The following DFFB variants were observed in gnomAD, a reference collection of about 807,000 sequenced individuals.
DFFB encodes DNA fragmentation factor subunit beta.
A neutral mutation model predicts 32.7 loss-of-function variants in DFFB; 29 were observed. The ratio of observed to expected loss-of-function variants is 0.89; its 90% CI spans 0.66 to 1.21. The LOEUF (loss-of-function observed/expected upper bound fraction) is 1.21. Ranked by LOEUF, DFFB falls within the 50% of genes most tolerant of loss-of-function variation. The probability of loss-of-function intolerance (pLI) is 0.00; values close to 1 mark genes in which losing one functional copy is unlikely to be tolerated. For missense variants in DFFB, 398 were observed against 440.6 expected, an observed-to-expected ratio of 0.90 and a Z score of 0.87; for synonymous variants, 170 against 177.1, an observed-to-expected ratio of 0.96 and a Z score of 0.32.
At chr1:3,868,669 A>ACCAAG (rs1553169091) in intron 4 of DFFB, among the ~76,000 whole-genome samples, 1 of 76,492 alleles carries the variant, frequency 1.3e-5, no homozygotes. Flanking sequence ...GCCACACCAC[A>ACCAAG]CCACACCACG....
intron 5 of DFFB, among the ~76,000 whole-genome samples, chr1:3,871,367 A>G (rs1006975813): frequency 6.6e-6 from 1 of 151,862 alleles, no homozygotes; most frequent in Non-Finnish European, 1.5e-5. Flanking sequence ...GCTCACTGCA[A>G]CCTCTGCCTC....
At position 3,857,681 on chromosome 1, in the gene DFFB, C is replaced by A; in HGVS notation, c.78C>A (p.Cys26Ter). The change falls in exon 1 of 7, where the codon TGC becomes TGA. Residue 26 changes from cysteine to a stop codon, truncating the protein, a stop_gained. Transcript: ENST00000378209. LOFTEE classifies it high-confidence loss of function. ...PRKFGVAGRSCQEVLRKGCLR... is the reference protein window; with the variant it reads ...PRKFGVAGRS Reference sequence around the variant, plus strand: ...AGTTCGGCGTGGCTGGCCGGAGCTGCCAGGAGGTGCTGCGCAAGGGCTGTC... The same window carrying A: ...AGTTCGGCGTGGCTGGCCGGAGCTGACAGGAGGTGCTGCGCAAGGGCTGTC... The A allele has an allele frequency of 6.3e-7, 1 of 1,586,180 alleles. No individual in the cohort carries two copies. The highest frequency in any genetic ancestry group is 1.4e-5 in the African/African-American group (1 of 73,918).
At position 3,863,540 on chromosome 1, in the gene DFFB, C is replaced by T. The variant is rs138405812; in HGVS notation, c.242-2272C>T. On this transcript the variant is annotated intron_variant, in intron 2 of 6. Transcript: ENST00000378209. ...TACCCAAGAGAAATGAAAACACGTC[C>T]ACACCAAAACTCGTCCGTGAGCGTT... 4.3e-4 allele frequency among the ~76,000 whole-genome samples: 65 copies of T among 152,290 alleles called. No homozygotes were observed. In the East Asian group the frequency reaches 0.012, roughly 29 times the overall value.
chr1:3,875,406 C>T (rs1645202913), intron 6 of DFFB, among the ~76,000 whole-genome samples: 1 of 152,160 alleles, frequency 6.6e-6, no homozygotes, highest in South Asian at 2.1e-4. Flanking sequence ...GCTTGAGTCC[C>T]TCTAGTGAGT....
rs750147209 is a variant in DFFB, at chr1:3,868,072, C to G, written c.510+19C>G. 6.2e-7 allele frequency: 1 copy of G among 1,612,216 alleles called. No homozygotes were observed. Among genetic ancestry groups the G allele is most frequent in the Non-Finnish European group, 8.5e-7 (1 of 1,178,500 alleles). On this transcript the variant is annotated intron_variant, in intron 4 of 6. Transcript: ENST00000378209. Reference sequence around the variant, plus strand: ...GAGGGAGGTGAGCCTGAGTGAAGACCGGGTATGCTGGGCGGGTTTTTGAAG... The same window carrying G: ...GAGGGAGGTGAGCCTGAGTGAAGACGGGGTATGCTGGGCGGGTTTTTGAAG...
chr1:3,868,897 G>A (rs116441473), intron 4 of DFFB, among the ~76,000 whole-genome samples: 1,656 of 152,300 alleles, frequency 0.011, 21 homozygotes, highest in South Asian at 0.034. Flanking sequence ...GCATCTCTTC[G>A]AGGTCCTGGC....
chr1:3,879,912 T>C (rs900242004), intron 6 of DFFB, among the ~76,000 whole-genome samples: 5 of 152,242 alleles, frequency 3.3e-5, no homozygotes, highest in Admixed American at 2.0e-4. Flanking sequence ...TAATCATCCA[T>C]TTTAAGCATA....
intron 5 of DFFB, among the ~76,000 whole-genome samples, chr1:3,871,291 T>TTTTG (rs1044146757): frequency 2.0e-5 from 3 of 152,070 alleles, no homozygotes; most frequent in Non-Finnish European, 4.4e-5. Context: ...AGAGCTTTTT[T>TTTTG]TTTGTTTGTT....
At chr1:3,858,316 C>T (rs1378956609) in intron 1 of DFFB, among the ~76,000 whole-genome samples, 1 of 152,226 alleles carries the variant, frequency 6.6e-6, no homozygotes, top group African/African-American at 2.4e-5. Context: ...TGCACAGAGG[C>T]AACCAACCGT....
intron 2 of DFFB, among the ~76,000 whole-genome samples, chr1:3,862,153 G>T (rs187895640): frequency 6.6e-6 from 1 of 152,292 alleles, no homozygotes; most frequent in East Asian, 1.9e-4. Context: ...TAGGATAAGT[G>T]TAACAAAAAA....
intron 5 of DFFB, among the ~76,000 whole-genome samples, chr1:3,871,276 A>G (rs1357154711): frequency 6.6e-6 from 1 of 150,600 alleles, no homozygotes; most frequent in Non-Finnish European, 1.5e-5. Flanking sequence ...TCTGATTCCA[A>G]AGGCAGAGCT....
At position 3,885,093 on chromosome 1, in the gene DFFB, C is replaced by G. The variant is rs900334725; in HGVS notation, c.*1352C>G. 1 of 152,196 alleles carries G rather than the reference C, an allele frequency of 6.6e-6. No homozygotes were observed. Among genetic ancestry groups the G allele is most frequent in the Non-Finnish European group, 1.5e-5 (1 of 68,038 alleles). 9.4% of individuals were successfully genotyped at this position (152,196 alleles called of 1,614,324 possible). A position where few individuals can be genotyped will look rare whatever the true frequency, so the allele number is the denominator to read the frequency against. ...TGTAGAAACTGGAAGCTGTTCAGGG[C>G]ATCGGCAGCTGAACCCTGCTCCGTT... On this transcript the variant is annotated 3_prime_UTR_variant, in exon 7 of 7. Coordinates refer to ENST00000378209, the MANE Select transcript of DFFB (RefSeq NM_004402.4).
At chr1:3,876,789 C>A (rs1368917423) in intron 6 of DFFB, among the ~76,000 whole-genome samples, 1 of 152,224 alleles carries the variant, frequency 6.6e-6, no homozygotes, top group African/African-American at 2.4e-5. Context: ...AGTGCCACCT[C>A]ACACCAGGGG....
intron 5 of DFFB, among the ~76,000 whole-genome samples, chr1:3,871,926 C>G (rs1645120571): frequency 6.6e-6 from 1 of 152,072 alleles, no homozygotes; most frequent in Admixed American, 6.6e-5. Flanking sequence ...TACTTTTAAG[C>G]CAGATCTCAG....
intron 2 of DFFB, among the ~76,000 whole-genome samples, chr1:3,864,661 G>C (rs980894449): frequency 2.6e-5 from 4 of 152,056 alleles, no homozygotes; most frequent in African/African-American, 9.7e-5. Context: ...AAGTAACTGG[G>C]ACTACAGGTG....
intron 6 of DFFB, among the ~76,000 whole-genome samples, chr1:3,875,302 G>A (rs1386324709): frequency 6.6e-6 from 1 of 152,204 alleles, no homozygotes; most frequent in Non-Finnish European, 1.5e-5. Context: ...CTGGGAGCTG[G>A]GAATTCAGAT....
intron 6 of DFFB, among the ~76,000 whole-genome samples, chr1:3,878,822 A>T (rs190185887): frequency 2.0e-5 from 3 of 152,188 alleles, no homozygotes; most frequent in Admixed American, 2.0e-4. Context: ...CAACAGATTC[A>T]CCCGTGTCTG....
Position 3,883,570 on chromosome 1 carries a change from AGAAGT to A in DFFB, c.848_852del (p.Glu283GlyfsTer24). ...AAGCAATTAAGGAACAAGATGGAAG[AGAAGT>A]GGACTGGGAGTATTTTTATGGCCTG... On this transcript the variant is annotated frameshift_variant, in exon 7 of 7. Coordinates refer to ENST00000378209, the MANE Select transcript of DFFB (RefSeq NM_004402.4). LOFTEE classifies it low-confidence loss of function (END_TRUNC). 6.2e-7 allele frequency: 1 copy of A among 1,614,244 alleles called. No individual in the cohort carries two copies. Among genetic ancestry groups the A allele is most frequent in the African/African-American group, 1.3e-5 (1 of 75,068 alleles).
At chr1:3,873,862 C>T (rs111901899) in intron 6 of DFFB, among the ~76,000 whole-genome samples, 4,240 of 152,248 alleles carry the variant, frequency 0.028, 172 homozygotes, top group African/African-American at 0.097. Context: ...AAATCCAAAA[C>T]ACTTCTGGTC....
Sources: gnomAD v4.1 joint callset for allele counts (sites outside exome capture counted in the v4.1 genomes callset) on GRCh38, gnomAD v4.1.1 for gene constraint, MANE v1.5 for transcripts, NCBI Gene and HGNC (gene_info 2026-07-23, HGNC 2026-07-21) for gene names.